The following ZFHX3 variants were observed in gnomAD, a reference collection of about 807,000 sequenced individuals.
ZFHX3 encodes the protein zinc finger homeobox 3, also known as zinc finger homeobox protein 3.
In ZFHX3, 42 loss-of-function variants were observed where a neutral mutation model predicts 279.1. The observed-to-expected ratio is 0.15, with a 90% CI of 0.12 to 0.19. ZFHX3 has a LOEUF of 0.19. Ranked by LOEUF, ZFHX3 falls within the 10% of genes least tolerant of loss-of-function variation. The probability of loss-of-function intolerance (pLI) is 1.00; values close to 1 mark genes in which losing one functional copy is unlikely to be tolerated. For missense variants in ZFHX3, 4,981 were observed against 4,754.0 expected (o/e 1.05, Z -1.40); for synonymous variants, 2,293 against 1,957.8 (o/e 1.17, Z -4.52).
In ZFHX3 at chr16:73,109,756, C is replaced by T. The variant is rs145047010; in HGVS notation, c.-896-16158G>A. 1.6e-3 allele frequency among the ~76,000 whole-genome samples: 237 copies of T among 151,524 alleles called. 5 individuals are homozygous for T. In the East Asian group the frequency reaches 0.04, roughly 26 times the overall value. ...CCCAGCTACTTGGGAGGCTGAGGCA[C>T]GAGAGTCACTTGAACCTGGGAGGCA... On this transcript the variant is annotated intron_variant, in intron 7 of 17. Coordinates refer to the ZFHX3 transcript ENST00000641206.
chr16:72,815,089 C>G (rs1452252261), intron 5 of ZFHX3, among the ~76,000 whole-genome samples: 1 of 152,176 alleles, frequency 6.6e-6, no homozygotes, highest in Admixed American at 6.5e-5. Flanking sequence ...AGTCGTTACA[C>G]CATTTCTGTA....
exon 8 of ZFHX3, chr16:73,093,352 G>T: frequency 2.4e-6 from 1 of 409,996 alleles, no homozygotes; most frequent in Non-Finnish European, 4.8e-6. Context: ...GCCAACAGAC[G>T]TCTGAAAGCC....
chr16:73,661,185 A>G (rs1294255991), intron 2 of ZFHX3, among the ~76,000 whole-genome samples: 1 of 152,222 alleles, frequency 6.6e-6, no homozygotes, highest in Non-Finnish European at 1.5e-5. Context: ...GTGAGTTCCT[A>G]TTTCAGAAAC....
intron 1 of ZFHX3, among the ~76,000 whole-genome samples, chr16:72,978,175 T>C (rs1039932435): frequency 2.0e-5 from 3 of 152,186 alleles, no homozygotes; most frequent in Non-Finnish European, 4.4e-5. Flanking sequence ...TGGGATTTTT[T>C]TTCTTTCTAA....
intron 5 of ZFHX3, among the ~76,000 whole-genome samples, chr16:73,167,289 G>A (rs1489539784): frequency 6.8e-6 from 1 of 147,616 alleles, no homozygotes; most frequent in Non-Finnish European, 1.5e-5. Flanking sequence ...AGAAGGCAAG[G>A]GGAGAAACTT....
chr16:73,160,909 GGGT>G (rs1034678733), intron 5 of ZFHX3, among the ~76,000 whole-genome samples: 1 of 151,108 alleles, frequency 6.6e-6, no homozygotes, highest in Non-Finnish European at 1.5e-5. Context: ...CTACATTCTT[GGGT>G]GGTGCCCTCT....
At chr16:72,804,333 C>T (rs1214118547) in intron 7 of ZFHX3, among the ~76,000 whole-genome samples, 1 of 152,192 alleles carries the variant, frequency 6.6e-6, no homozygotes, top group Non-Finnish European at 1.5e-5. Context: ...GACAAAAGTT[C>T]CTGTCTCCAA....
At chr16:73,730,678 G>A (rs1056820474) in intron 1 of ZFHX3, among the ~76,000 whole-genome samples, 3 of 152,188 alleles carry the variant, frequency 2.0e-5, no homozygotes, top group Admixed American at 2.0e-4. Flanking sequence ...TTATGCTAAT[G>A]AAGTCCTTTA....
At chr16:73,525,044 A>C (rs920224688) in intron 2 of ZFHX3, among the ~76,000 whole-genome samples, 1 of 152,182 alleles carries the variant, frequency 6.6e-6, no homozygotes, top group African/African-American at 2.4e-5. Context: ...GTAAAGACAC[A>C]AGGAAAAAAA....
chr16:72,813,443 T>A (rs1210217383), intron 5 of ZFHX3, among the ~76,000 whole-genome samples: 1 of 152,184 alleles, frequency 6.6e-6, no homozygotes, highest in Non-Finnish European at 1.5e-5. Flanking sequence ...TTCATTAAAA[T>A]CATAAGGCCA....
intron 1 of ZFHX3, among the ~76,000 whole-genome samples, chr16:73,752,588 C>A (rs1243639808): frequency 6.6e-6 from 1 of 152,150 alleles, no homozygotes; most frequent in African/African-American, 2.4e-5. Flanking sequence ...TCAATCCCAG[C>A]AGGAAAACAC....
Position 73,452,096 on chromosome 16 carries a change from G to A in ZFHX3, c.-1291+3907C>T, listed in dbSNP as rs537855784. Reference sequence around the variant, plus strand: ...GGAATCAGTGGGAGAGGCAGAAAAAGGAGACTAAAGATTACAAAATTCAGT... The same window carrying A: ...GGAATCAGTGGGAGAGGCAGAAAAAAGAGACTAAAGATTACAAAATTCAGT... On this transcript the variant is annotated intron_variant, in intron 3 of 17. Coordinates refer to the ZFHX3 transcript ENST00000641206. 2.0e-5 allele frequency among the ~76,000 whole-genome samples: 3 copies of A among 152,230 alleles called. No individual in the cohort carries two copies. The East Asian group carries it at 5.8e-4, about 29-fold the overall frequency.
rs1361453798 is a variant in ZFHX3, at chr16:73,005,099, T to TCAAAG, written c.-50+42652_-50+42653insCTTTG. On this transcript the variant is annotated intron_variant, in intron 1 of 9. Coordinates refer to ENST00000268489, the MANE Select transcript of ZFHX3 (RefSeq NM_006885.4). ...GTCTGGCTGACTTTGAGCCTGTTAC[T>TCAAAG]TAAACTCCCTGAGCTTCGGTTTCCT... Among the ~76,000 whole-genome samples the TCAAAG allele has an allele frequency of 2.6e-5, 4 of 152,256 alleles. No individual in the cohort carries two copies. In the South Asian group the frequency reaches 8.3e-4, roughly 31 times the overall value.
chr16:72,900,150 A>AAAC (rs1024363124), intron 3 of ZFHX3, among the ~76,000 whole-genome samples: 4 of 151,842 alleles, frequency 2.6e-5, no homozygotes, highest in African/African-American at 9.7e-5. Context: ...AAAAAAAAAA[A>AAAC]AAAAACAAGA....
At chr16:73,742,778 G>T (rs976216488) in intron 1 of ZFHX3, among the ~76,000 whole-genome samples, 1 of 152,160 alleles carries the variant, frequency 6.6e-6, no homozygotes, top group Non-Finnish European at 1.5e-5. Context: ...TTCATGGGTG[G>T]TCTCATCACC....
chr16:73,627,482 T>G (rs2052428363), intron 2 of ZFHX3, among the ~76,000 whole-genome samples: 1 of 152,238 alleles, frequency 6.6e-6, no homozygotes, highest in Non-Finnish European at 1.5e-5. Context: ...CTGATCAGCT[T>G]GTCAAGAGAA....
At chr16:73,679,575 CT>C (rs1302359918) in intron 2 of ZFHX3, 5 of 152,116 alleles carry the variant, frequency 3.3e-5, no homozygotes, top group African/African-American at 1.2e-4. Context: ...GTACAATTTT[CT>C]GGTGAGTGAA....
At chr16:73,592,352 G>T (rs1274752192) in intron 2 of ZFHX3, among the ~76,000 whole-genome samples, 3 of 152,300 alleles carry the variant, frequency 2.0e-5, no homozygotes, top group Middle Eastern at 3.4e-3. Flanking sequence ...AATAATCTAT[G>T]GGAGAGAGAA....
chr16:73,602,648 C>T (rs2052130795), intron 2 of ZFHX3, among the ~76,000 whole-genome samples: 1 of 152,054 alleles, frequency 6.6e-6, no homozygotes, highest in Admixed American at 6.6e-5. Flanking sequence ...AAAATAACTT[C>T]AAAATATTAT....
Sources: gnomAD v4.1 joint callset for allele counts (sites outside exome capture counted in the v4.1 genomes callset) on GRCh38, gnomAD v4.1.1 for gene constraint, MANE v1.5 for transcripts, NCBI Gene and HGNC (gene_info 2026-07-23, HGNC 2026-07-21) for gene names.